Variants in SLC2A12 observed in about 807,000 individuals in gnomAD.
The protein encoded by SLC2A12 is solute carrier family 2 member 12.
Under a neutral mutation model 41.8 loss-of-function variants are expected in SLC2A12, and 23 were observed. The ratio of observed to expected loss-of-function variants is 0.55; its 90% CI spans 0.40 to 0.78. The LOEUF is 0.78. Among genes scored for constraint, SLC2A12 ranks in the 30% least tolerant of loss-of-function variants. The pLI is 0.00. For synonymous variants in SLC2A12, 295 were observed against 285.9 expected, an observed-to-expected ratio of 1.03 and a Z score of -0.32; for missense variants, 654 against 745.6, an observed-to-expected ratio of 0.88 and a Z score of 1.43.
rs1360986895 is a variant in SLC2A12 at position 134,029,402 on chromosome 6, C to A, written c.423G>T (p.Gly141=). 2.5e-6 allele frequency: 4 copies of A among 1,614,018 alleles called. No homozygotes were observed. The Admixed American group carries it at 6.7e-5, about 27-fold the overall frequency. ...CAATGGAAGAGAGGGAGATGGAGAC[C>A]CCTATGGCAATGCGTCCCACTATAA... ...TVLIVGRIAI[G]VSISLSSIAT... is the part of the protein sequence containing the mutation. The change falls in exon 2 of 5, where the codon GGG becomes GGT. Residue 141 remains glycine (G), a synonymous_variant. Transcript: ENST00000275230.
At chr6:134,043,754 T>C (rs1341170513) in intron 1 of SLC2A12, among the ~76,000 whole-genome samples, 2 of 139,886 alleles carry the variant, frequency 1.4e-5, no homozygotes, top group Admixed American at 7.9e-5. Context: ...ATCACACCAC[T>C]GCACCCTAGC....
intron 4 of SLC2A12, among the ~76,000 whole-genome samples, chr6:133,999,077 T>C (rs1365520172): frequency 1.3e-5 from 2 of 152,178 alleles, no homozygotes; most frequent in African/African-American, 2.4e-5. Context: ...ATTAACAAGA[T>C]GAAACCACAA....
chr6:133,993,863 G>A (rs1047759710), intron 4 of SLC2A12, among the ~76,000 whole-genome samples: 8 of 152,212 alleles, frequency 5.3e-5, no homozygotes, highest in African/African-American at 1.9e-4. Flanking sequence ...CTGTGTGGCT[G>A]TGAGAGAAGA....
intron 2 of SLC2A12, among the ~76,000 whole-genome samples, chr6:134,017,222 C>T (rs1313316997): frequency 6.6e-6 from 1 of 152,034 alleles, no homozygotes; most frequent in Non-Finnish European, 1.5e-5. Flanking sequence ...TTGCAGATGG[C>T]CTTGCATACT....
intron 1 of SLC2A12, among the ~76,000 whole-genome samples, chr6:134,030,875 G>A (rs1350075518): frequency 6.6e-6 from 1 of 152,188 alleles, no homozygotes; most frequent in East Asian, 1.9e-4. Context: ...CCACTGAGAG[G>A]TGTAGAGGGC....
intron 2 of SLC2A12, among the ~76,000 whole-genome samples, chr6:134,020,627 T>C (rs1379350482): frequency 6.6e-6 from 1 of 152,132 alleles, no homozygotes; most frequent in Non-Finnish European, 1.5e-5. Context: ...GGAGAATTAT[T>C]TGGGTCTCTT....
chr6:134,046,256 C>T (rs772866582), intron 1 of SLC2A12, among the ~76,000 whole-genome samples: 29 of 152,206 alleles, frequency 1.9e-4, no homozygotes, highest in Middle Eastern at 3.2e-3. Context: ...TGATGCCAGG[C>T]AGACCTGAGT....
In SLC2A12 at chr6:133,994,791, CA is replaced by C. The variant is rs533472557; in HGVS notation, c.1701-3484del. Among the ~76,000 whole-genome samples the C allele has an allele frequency of 4.6e-5, 7 of 152,242 alleles. No individual in the cohort carries two copies. The South Asian group carries it at 1.5e-3, about 32-fold the overall frequency. ...CTGGTGAGGGTGATAGAGAAGTGGT[CA>C]GGGGACTAAGCCCCAGGGCACACCA... On this transcript the variant is annotated intron_variant, in intron 4 of 4. Coordinates refer to ENST00000275230, the MANE Select transcript of SLC2A12 (RefSeq NM_145176.3).
Position 134,052,358 on chromosome 6 carries a change from G to GCAC in SLC2A12, c.103+17_103+19dup. On this transcript the variant is annotated intron_variant, in intron 1 of 4. Transcript: ENST00000275230. ...AGCTTGCTTCTCTGCGGTCACCCGA[G>GCAC]CACTGCAGGCTCACTTTACCTCTCG... The GCAC allele has an allele frequency of 6.2e-7, 1 of 1,603,028 alleles. No homozygotes were observed. The highest frequency in any genetic ancestry group is 8.5e-7 in the Non-Finnish European group (1 of 1,174,872).
Position 134,028,635 on chromosome 6 carries a change from A to G in SLC2A12, c.1190T>C (p.Leu397Pro), listed in dbSNP as rs776734807. 12 of 1,614,248 alleles carry G rather than the reference A, an allele frequency of 7.4e-6. No individual in the cohort carries two copies. The East Asian group carries it at 2.5e-4, about 33-fold the overall frequency. The change falls in exon 2 of 5, where the codon CTG (leucine) becomes CCG (proline). Residue 397 changes from leucine to proline, a missense_variant. Physicochemically the swap from Leu to Pro is moderately conservative, Grantham distance 98. Coordinates refer to ENST00000275230, the MANE Select transcript of SLC2A12 (RefSeq NM_145176.3). Reference sequence around the variant, plus strand: ...TCTGAGAGTATTGTTGTTGGTTGACAGGTTTCCTGGTCCATAAATCACAGA... The same window carrying G: ...TCTGAGAGTATTGTTGTTGGTTGACGGGTTTCCTGGTCCATAAATCACAGA... Reference protein sequence around the residue: ...DESVIYGPGNLSTNNNTLRDH... With the variant: ...DESVIYGPGNPSTNNNTLRDH...
intron 2 of SLC2A12, among the ~76,000 whole-genome samples, chr6:134,019,836 A>C (rs529283723): frequency 6.6e-6 from 1 of 152,338 alleles, no homozygotes; most frequent in Admixed American, 6.5e-5. Flanking sequence ...AGCCTGGCCA[A>C]TATGGTAAAA....
chr6:134,027,265 C>T (rs1053156963), intron 2 of SLC2A12, among the ~76,000 whole-genome samples: 2 of 152,188 alleles, frequency 1.3e-5, no homozygotes, highest in Non-Finnish European at 2.9e-5. Flanking sequence ...AAAGCAAGCC[C>T]CTACATGGCC....
At chr6:133,999,187 G>A (rs1776727589) in intron 4 of SLC2A12, among the ~76,000 whole-genome samples, 1 of 152,156 alleles carries the variant, frequency 6.6e-6, no homozygotes, top group Non-Finnish European at 1.5e-5. Context: ...TCAGGGCTTC[G>A]AGGATGAGTA....
In SLC2A12 at chr6:134,006,818, C is replaced by T. The variant is rs1226076923; in HGVS notation, c.1561G>A (p.Val521Ile). ...NLLISLTFLT[V>I]TDLIGLPWVC... is the part of the protein sequence containing the mutation. ...GAAAACAAAGACTTCTTACCAGTTA[C>T]AGTCAAAAATGTCAGCGAGATGAGG... The change falls in exon 3 of 5, where the codon GTA becomes ATA. Residue 521 changes from valine (V) to isoleucine (I), a missense_variant. Coordinates refer to ENST00000275230, the MANE Select transcript of SLC2A12 (RefSeq NM_145176.3). 1.9e-6 allele frequency: 3 copies of T among 1,613,866 alleles called. No individual in the cohort carries two copies. Among genetic ancestry groups the T allele is most frequent in the Non-Finnish European group, 2.5e-6 (3 of 1,179,964 alleles).
At chr6:134,008,842 A>G (rs901579195) in intron 2 of SLC2A12, among the ~76,000 whole-genome samples, 1 of 152,186 alleles carries the variant, frequency 6.6e-6, no homozygotes, top group Admixed American at 6.5e-5. Flanking sequence ...GAGGGTCCCT[A>G]CAACCATTTG....
intron 1 of SLC2A12, among the ~76,000 whole-genome samples, chr6:134,046,288 C>G (rs1777453667): frequency 6.6e-6 from 1 of 152,194 alleles, no homozygotes; most frequent in South Asian, 2.1e-4. Context: ...TGAGAAGCAG[C>G]TACTTCCAAG....
intron 2 of SLC2A12, among the ~76,000 whole-genome samples, chr6:134,011,631 G>T (rs1187562519): frequency 6.6e-6 from 1 of 152,088 alleles, no homozygotes; most frequent in African/African-American, 2.4e-5. Flanking sequence ...GAGCTTCCAA[G>T]AGTTTTTCTG....
At chr6:133,996,127 G>A (rs1452727232) in intron 4 of SLC2A12, among the ~76,000 whole-genome samples, 1 of 152,184 alleles carries the variant, frequency 6.6e-6, no homozygotes, top group Non-Finnish European at 1.5e-5. Context: ...TCAGTGCCTG[G>A]CACATAGTAG....
chr6:134,013,962 G>A (rs1328313983), intron 2 of SLC2A12, among the ~76,000 whole-genome samples: 1 of 152,174 alleles, frequency 6.6e-6, no homozygotes, highest in Non-Finnish European at 1.5e-5. Flanking sequence ...AGATGGGGAA[G>A]GAGAAATATC....
Sources: gnomAD v4.1 joint callset for allele counts (sites outside exome capture counted in the v4.1 genomes callset) on GRCh38, gnomAD v4.1.1 for gene constraint, MANE v1.5 for transcripts, NCBI Gene and HGNC (gene_info 2026-07-23, HGNC 2026-07-21) for gene names.